Variants in CCDC77 observed in about 807,000 individuals in gnomAD.
CCDC77 encodes the protein coiled-coil domain-containing protein 77.
In CCDC77, 56 loss-of-function variants were observed where a neutral mutation model predicts 66.8. The ratio of observed to expected loss-of-function variants is 0.84; its 90% CI spans 0.68 to 1.05. The LOEUF is 1.05. Among genes scored for constraint, CCDC77 ranks in the 50% least tolerant of loss-of-function variants. The probability of loss-of-function intolerance (pLI) is 0.00; values close to 1 mark genes in which losing one functional copy is unlikely to be tolerated. For missense variants in CCDC77, 570 were observed against 576.8 expected, an observed-to-expected ratio of 0.99 and a Z score of 0.12; for synonymous variants, 196 against 195.2, an observed-to-expected ratio of 1.00 and a Z score of -0.03.
intron 5 of CCDC77, among the ~76,000 whole-genome samples, chr12:426,387 G>A (rs1474568657): frequency 6.6e-6 from 1 of 152,082 alleles, no homozygotes; most frequent in Non-Finnish European, 1.5e-5. Flanking sequence ...GACTGAAATT[G>A]GGACCTACTG....
At chr12:404,325 A>G (rs184018477) in intron 1 of CCDC77, among the ~76,000 whole-genome samples, 1 of 152,328 alleles carries the variant, frequency 6.6e-6, no homozygotes, top group Non-Finnish European at 1.5e-5. Flanking sequence ...CTCAAAAAAT[A>G]AATAAATAAA....
chr12:404,089 G>A (rs1944947866), intron 1 of CCDC77, among the ~76,000 whole-genome samples: 2 of 152,212 alleles, frequency 1.3e-5, no homozygotes, highest in Admixed American at 1.3e-4. Context: ...GGCAGAGGTG[G>A]GTGGATCATC....
chr12:423,479 G>GTTTTTTTTTT (rs1289177296), intron 5 of CCDC77, among the ~76,000 whole-genome samples: 1 of 21,232 alleles, frequency 4.7e-5, no homozygotes, highest in African/African-American at 1.6e-4. Context: ...TGTTTTTTGT[G>GTTTTTTTTTT]TTTTTTTTTG....
In CCDC77 at chr12:403,554, G is replaced by A. The variant is rs536550506; in HGVS notation, c.-71+1870G>A. On this transcript the variant is annotated intron_variant, in intron 1 of 12. Coordinates refer to ENST00000239830, the MANE Select transcript of CCDC77 (RefSeq NM_032358.4). ...TGTCACCTAGGCTGGAGAGCAGTGG[G>A]GCAATCTCAGCTCAGTGCAGCCTCT... is the stretch of plus-strand genomic sequence containing the variant. Among the ~76,000 whole-genome samples the A allele has an allele frequency of 1.4e-3, 210 of 152,262 alleles. 4 individuals are homozygous for A. In the South Asian group the frequency reaches 0.041, roughly 30 times the overall value.
At chr12:415,735 C>T (rs1565568565) in intron 4 of CCDC77, among the ~76,000 whole-genome samples, 1 of 152,010 alleles carries the variant, frequency 6.6e-6, no homozygotes, top group Non-Finnish European at 1.5e-5. Flanking sequence ...TGGACTCAAG[C>T]AATCCGCCTG....
chr12:397,234 A>G (rs1944839549), upstream of CCDC77, among the ~76,000 whole-genome samples: 4 of 152,298 alleles, frequency 2.6e-5, no homozygotes, highest in African/African-American at 9.6e-5. Context: ...CCCAGTTAGA[A>G]GCCTATGGTA....
intron 4 of CCDC77, among the ~76,000 whole-genome samples, chr12:416,081 C>T (rs1277141231): frequency 6.6e-6 from 1 of 151,588 alleles, no homozygotes; most frequent in East Asian, 1.9e-4. Flanking sequence ...GCTGAGATTA[C>T]AGGTGTGAGC....
rs79225519 is a variant in CCDC77 at position 408,398 on chromosome 12, TA to T, written c.-16-969del. 0.028 allele frequency among the ~76,000 whole-genome samples: 4,216 copies of T among 152,226 alleles called. 408 individuals are homozygous for T. The East Asian group carries it at 0.31, about 11-fold the overall frequency. On this transcript the variant is annotated intron_variant, in intron 2 of 12. Transcript: ENST00000239830. ...AGATTATGAAGAGCCTTTTAAAGTT[TA>T]TAAGTAATTTTTTTTCTTTTGCTTA...
At chr12:440,059 G>T (rs890647336) in intron 10 of CCDC77, among the ~76,000 whole-genome samples, 1 of 152,142 alleles carries the variant, frequency 6.6e-6, no homozygotes, top group African/African-American at 2.4e-5. Flanking sequence ...TGGTTGTAGA[G>T]GAATAAATAA....
chr12:431,813 C>T (rs1035793989), intron 7 of CCDC77, 53 bp from the exon 8 acceptor site: 7 of 1,157,948 alleles, frequency 6.0e-6, no homozygotes, highest in African/African-American at 1.5e-5. Flanking sequence ...ATTTCAATAG[C>T]ACACAGAAAA....
chr12:433,541 C>T, intron 9 of CCDC77: 1 of 1,192,176 alleles, frequency 8.4e-7, no homozygotes, highest in Non-Finnish European at 1.1e-6. Flanking sequence ...CCTTTTAATC[C>T]ATTTTGGTGT....
intron 3 of CCDC77, 135 bp downstream of exon 3, chr12:409,556 GC>G: frequency 2.6e-6 from 2 of 778,688 alleles, no homozygotes; most frequent in East Asian, 2.7e-5. Flanking sequence ...TTCACTCTGT[GC>G]CCAGGATGGG....
At chr12:419,286 A>T (rs12305639) in intron 5 of CCDC77, among the ~76,000 whole-genome samples, 17,540 of 152,232 alleles carry the variant, frequency 0.12, 2,377 homozygotes, top group African/African-American at 0.33. Flanking sequence ...GGATGCAGGT[A>T]GTCCCCAGGG....
At chr12:441,106 C>CT in intron 12 of CCDC77, 110 bp downstream of exon 12, 1 of 1,114,668 alleles carries the variant, frequency 9.0e-7, no homozygotes, top group Admixed American at 2.1e-5. Flanking sequence ...CTGGTAAACA[C>CT]TAACAGATCA....
intron 6 of CCDC77, 109 bp downstream of exon 6, chr12:428,974 G>T (rs1294314769): frequency 3.2e-6 from 2 of 628,534 alleles, no homozygotes; most frequent in Non-Finnish European, 5.5e-6. Flanking sequence ...TGGAGAATTA[G>T]CCATCACAGT....
chr12:439,906 C>T (rs1001656840), intron 10 of CCDC77, among the ~76,000 whole-genome samples: 1 of 149,696 alleles, frequency 6.7e-6, no homozygotes, highest in African/African-American at 2.5e-5. Context: ...CAGGGACACT[C>T]TCTTATATCT....
At chr12:417,321 T>C (rs1038366790) in intron 4 of CCDC77, among the ~76,000 whole-genome samples, 1 of 152,140 alleles carries the variant, frequency 6.6e-6, no homozygotes, top group African/African-American at 2.4e-5. Context: ...TTTACAGTTC[T>C]CTTTTCTTGG....
intron 9 of CCDC77, among the ~76,000 whole-genome samples, chr12:437,868 T>A (rs1452487205): frequency 2.8e-5 from 4 of 143,856 alleles, no homozygotes; most frequent in African/African-American, 1.0e-4. Flanking sequence ...AAAAAAAAGT[T>A]CTTTTTAAAA....
rs771219995 is a variant in CCDC77 at position 431,953 on chromosome 12, A to G, written c.671A>G (p.Gln224Arg). Reference protein sequence around the residue: ...YQRDIQTLILQVEALQAQLGE... With the variant: ...YQRDIQTLILRVEALQAQLGE... ...AGAGACATACAGACACTCATCCTAC[A>G]GGTAAAGAATGTATTTTGGCAGACC... The change falls in exon 8 of 13, where the codon CAG becomes CGG. Residue 224 changes from glutamine (Q) to arginine (R), a missense_variant and splice_region_variant. By Grantham distance (43) the Gln-to-Arg change is conservative. Coordinates refer to ENST00000239830, the MANE Select transcript of CCDC77 (RefSeq NM_032358.4). The G allele has an allele frequency of 1.2e-6, 2 of 1,602,622 alleles. No homozygotes were observed. The highest frequency in any genetic ancestry group is 1.7e-6 in the Non-Finnish European group (2 of 1,171,012).
Sources: allele counts gnomAD v4.1 joint callset (sites outside exome capture counted in the v4.1 genomes callset), GRCh38; gene constraint gnomAD v4.1.1; transcripts MANE v1.5; gene names NCBI Gene and HGNC (gene_info 2026-07-23, HGNC 2026-07-21).